The following MALRD1 variants were observed in gnomAD, a reference collection of about 807,000 sequenced individuals.
MALRD1 encodes MAM and LDL receptor class A domain containing 1, also known as MAM and LDL-receptor class A domain-containing protein 1.
A neutral mutation model predicts 242.1 loss-of-function variants in MALRD1; 247 were observed. The ratio of observed to expected loss-of-function variants is 1.02; its 90% CI spans 0.92 to 1.13. MALRD1 has a LOEUF of 1.13. Among genes scored for constraint, MALRD1 ranks in the 50% most tolerant of loss-of-function variants. The probability of loss-of-function intolerance (pLI) is 0.00; values close to 1 mark genes in which losing one functional copy is unlikely to be tolerated. For synonymous variants in MALRD1, 995 were observed against 866.6 expected, an observed-to-expected ratio of 1.15 and a Z score of -2.60; for missense variants, 2,989 against 2,533.1, an observed-to-expected ratio of 1.18 and a Z score of -3.86.
At chr10:19,714,310 G>C (rs568135835) in intron 38 of MALRD1, among the ~76,000 whole-genome samples, 32 of 152,290 alleles carry the variant, frequency 2.1e-4, no homozygotes, top group African/African-American at 7.0e-4. Flanking sequence ...GAGTAGGGCT[G>C]CCCAGTGGCT....
At chr10:19,221,454 A>G (rs1277890932) in intron 18 of MALRD1, among the ~76,000 whole-genome samples, 1 of 152,224 alleles carries the variant, frequency 6.6e-6, no homozygotes, top group Non-Finnish European at 1.5e-5. Flanking sequence ...CATACTGAAC[A>G]GCATGCTAAA....
intron 28 of MALRD1, among the ~76,000 whole-genome samples, chr10:19,406,200 T>C (rs986005456): frequency 2.6e-5 from 4 of 152,184 alleles, no homozygotes; most frequent in African/African-American, 4.8e-5. Flanking sequence ...ACACTTTAGG[T>C]AAAGTTTTCT....
intron 4 of MALRD1, among the ~76,000 whole-genome samples, chr10:19,102,934 C>T (rs1836320726): frequency 1.3e-5 from 2 of 151,886 alleles, no homozygotes; most frequent in South Asian, 2.1e-4. Flanking sequence ...CTGCAACCTG[C>T]GCCTCCCGGT....
At chr10:19,614,983 A>G (rs1233137969) in intron 35 of MALRD1, among the ~76,000 whole-genome samples, 2 of 152,100 alleles carry the variant, frequency 1.3e-5, no homozygotes, top group African/African-American at 2.4e-5. Context: ...AAATAAGTAG[A>G]TGATACCCAA....
chr10:19,228,608 G>A (rs1349433449), intron 18 of MALRD1, among the ~76,000 whole-genome samples: 1 of 152,110 alleles, frequency 6.6e-6, no homozygotes, highest in Non-Finnish European at 1.5e-5. Context: ...CAGAGCAGGA[G>A]TTATTTTTAT....
intron 18 of MALRD1, among the ~76,000 whole-genome samples, chr10:19,222,365 C>T (rs1276000791): frequency 1.3e-5 from 2 of 152,170 alleles, no homozygotes; most frequent in Non-Finnish European, 2.9e-5. Flanking sequence ...TGCTCTCCAG[C>T]CGAGGGACGC....
intron 38 of MALRD1, among the ~76,000 whole-genome samples, chr10:19,725,350 T>C (rs1389308284): frequency 6.6e-6 from 1 of 152,090 alleles, no homozygotes; most frequent in Non-Finnish European, 1.5e-5. Context: ...TTTTCCGGCT[T>C]TTGCTCTGCA....
chr10:19,198,443 C>G (rs1480763819), intron 14 of MALRD1, among the ~76,000 whole-genome samples: 1 of 152,138 alleles, frequency 6.6e-6, no homozygotes, highest in Admixed American at 6.6e-5. Flanking sequence ...TGATGGGCTG[C>G]AAATAAACTT....
Position 19,433,742 on chromosome 10 carries a change from G to T in MALRD1, c.4846-16565G>T, listed in dbSNP as rs142007509. Among the ~76,000 whole-genome samples, 482 of 152,230 alleles carry T rather than the reference G, an allele frequency of 3.2e-3. 2 individuals are homozygous for T. The highest frequency in any genetic ancestry group is 0.011 in the African/African-American group (466 of 41,548). On this transcript the variant is annotated intron_variant, in intron 28 of 39. Coordinates refer to ENST00000454679, the MANE Select transcript of MALRD1 (RefSeq NM_001142308.3). ...CCTGTGTGGAGAATACAAAGGCTCAGTGAAAGTCATGCATGGGAACTGTGA... is the reference window on the plus strand; with the variant it reads ...CCTGTGTGGAGAATACAAAGGCTCATTGAAAGTCATGCATGGGAACTGTGA...
rs1426733173 is a variant in MALRD1 at position 19,395,221 on chromosome 10, GT to G, written c.4845+5615del. On this transcript the variant is annotated intron_variant, in intron 28 of 39. Coordinates refer to ENST00000454679, the MANE Select transcript of MALRD1 (RefSeq NM_001142308.3). ...AGACAGATCTCAGTCAATTTAGGAA[GT>G]TTATTTTCCCAGAGTTAAGGACGTG... 9.2e-5 allele frequency among the ~76,000 whole-genome samples: 14 copies of G among 152,312 alleles called. No homozygotes were observed. In the South Asian group the frequency reaches 2.5e-3, roughly 27 times the overall value.
chr10:19,363,244 A>G (rs1464414560), intron 26 of MALRD1, among the ~76,000 whole-genome samples: 1 of 152,160 alleles, frequency 6.6e-6, no homozygotes. Flanking sequence ...AATAAAGGAT[A>G]AGAGAAGATC....
In MALRD1 at chr10:19,128,315, C is replaced by G; in HGVS notation, c.1038C>G (p.Gly346=). The G allele has an allele frequency of 8.1e-7, 1 of 1,233,368 alleles. No individual in the cohort carries two copies. The highest frequency in any genetic ancestry group is 1.0e-6 in the Non-Finnish European group (1 of 987,790). The allele number at this position is 1,233,368 out of a possible 1,614,324, so 76.4% of individuals were successfully genotyped here. Residue 346 remains glycine (G), a synonymous_variant, in exon 8 of 40, where the codon GGC becomes GGG. Transcript: ENST00000454679. ...ATAGCTCTGTGTGTCATTGCCTGGG[C>G]AAGAGCTGTCATCTTCAATTCTATT... ...YLNSSVCHCL[G]KSCHLQFYYA... is the part of the protein sequence containing the mutation.
intron 18 of MALRD1, among the ~76,000 whole-genome samples, chr10:19,235,511 A>G (rs1461640676): frequency 6.6e-6 from 1 of 150,932 alleles, no homozygotes; most frequent in Non-Finnish European, 1.5e-5. Flanking sequence ...GATTCTGGAT[A>G]CTAAAAAACA....
At chr10:19,486,787 A>G (rs1354471992) in intron 29 of MALRD1, among the ~76,000 whole-genome samples, 1 of 152,168 alleles carries the variant, frequency 6.6e-6, no homozygotes, top group Non-Finnish European at 1.5e-5. Context: ...AACTCTGTGT[A>G]CAAAACGATT....
At chr10:19,543,299 T>A (rs1297525432) in intron 32 of MALRD1, among the ~76,000 whole-genome samples, 1 of 149,714 alleles carries the variant, frequency 6.7e-6, no homozygotes, top group Non-Finnish European at 1.5e-5. Context: ...GGCCTTGTAC[T>A]GTCAGTCAGG....
chr10:19,565,641 C>G (rs1185806377), intron 32 of MALRD1, among the ~76,000 whole-genome samples: 1 of 152,022 alleles, frequency 6.6e-6, no homozygotes, highest in Admixed American at 6.6e-5. Context: ...ACTTGTAAAC[C>G]AAGTATCCAC....
At chr10:19,555,652 T>C (rs1835686742) in intron 32 of MALRD1, among the ~76,000 whole-genome samples, 1 of 152,116 alleles carries the variant, frequency 6.6e-6, no homozygotes, top group Non-Finnish European at 1.5e-5. Flanking sequence ...AGAAAACGTC[T>C]ACACCATTGT....
rs188149071 is a variant in MALRD1, at chr10:19,399,680, G to A, written c.4845+10071G>A. ...AATCTTAGATATCTTATCTCTGTAA[G>A]AAATGAATATACAAAACAATACCAT... On this transcript the variant is annotated intron_variant, in intron 28 of 39. Coordinates refer to ENST00000454679, the MANE Select transcript of MALRD1 (RefSeq NM_001142308.3). Among the ~76,000 whole-genome samples the A allele has an allele frequency of 7.9e-4, 120 of 152,230 alleles. 1 individual carries two copies. The highest frequency in any genetic ancestry group is 4.4e-4 in the Non-Finnish European group (30 of 68,008).
chr10:19,715,455 G>A (rs1778635762), intron 38 of MALRD1, among the ~76,000 whole-genome samples: 1 of 151,636 alleles, frequency 6.6e-6, no homozygotes, highest in South Asian at 2.1e-4. Flanking sequence ...CCAACTGTGG[G>A]GCTTTGAGGT....
Sources: allele counts gnomAD v4.1 joint callset (sites outside exome capture counted in the v4.1 genomes callset), GRCh38; gene constraint gnomAD v4.1.1; transcripts MANE v1.5; gene names NCBI Gene and HGNC (gene_info 2026-07-23, HGNC 2026-07-21).